Variants in RAPGEF5 observed in about 807,000 individuals in gnomAD.
RAPGEF5 encodes M-Ras-regulated GEF.
RAPGEF5 carries 65 observed loss-of-function variants against 125.2 expected under a neutral mutation model. That is an observed-to-expected ratio of 0.52 (90% CI 0.43 to 0.64). The LOEUF is 0.64. Ranked by LOEUF, RAPGEF5 falls within the 30% of genes least tolerant of loss-of-function variation. The probability of loss-of-function intolerance (pLI) is 0.00; values close to 1 mark genes in which losing one functional copy is unlikely to be tolerated. For missense variants in RAPGEF5, 958 were observed against 1,048.1 expected (o/e 0.91, Z 1.19); for synonymous variants, 391 against 385.9 (o/e 1.01, Z -0.16).
intron 5 of RAPGEF5, among the ~76,000 whole-genome samples, chr7:22,303,450 T>C (rs1291025435): frequency 6.6e-6 from 1 of 152,244 alleles, no homozygotes; most frequent in Non-Finnish European, 1.5e-5. Flanking sequence ...AAAGATTCTT[T>C]TTTAAATGAG....
intron 7 of RAPGEF5, among the ~76,000 whole-genome samples, chr7:22,265,825 C>T (rs2158877): frequency 0.2 from 30,547 of 152,018 alleles, 3,324 homozygotes; most frequent in African/African-American, 0.27. Context: ...TTCCCTCCTG[C>T]AATCTTTATT....
chr7:22,148,335 C>T (rs567483498), intron 18 of RAPGEF5, among the ~76,000 whole-genome samples: 11 of 152,298 alleles, frequency 7.2e-5, no homozygotes, highest in African/African-American at 2.6e-4. Flanking sequence ...TTACCCAACT[C>T]GAGTTATTAA....
intron 6 of RAPGEF5, among the ~76,000 whole-genome samples, chr7:22,277,070 G>C (rs1782574148): frequency 6.6e-6 from 1 of 152,166 alleles, no homozygotes; most frequent in Admixed American, 6.5e-5. Flanking sequence ...TAGAATAAAA[G>C]AGGCTGAAGC....
At chr7:22,135,240 G>C (rs1004321758) in intron 23 of RAPGEF5, among the ~76,000 whole-genome samples, 20 of 152,138 alleles carry the variant, frequency 1.3e-4, no homozygotes, top group African/African-American at 4.6e-4. Context: ...GAAGAAAAGA[G>C]GCTGGATGAA....
At chr7:22,235,023 A>G (rs1004888023) in intron 7 of RAPGEF5, among the ~76,000 whole-genome samples, 3 of 152,206 alleles carry the variant, frequency 2.0e-5, no homozygotes, top group Non-Finnish European at 4.4e-5. Flanking sequence ...TCTCATCAGG[A>G]CCATTATTTA....
chr7:22,315,549 A>C (rs1583573177), intron 2 of RAPGEF5, 73 bp from the exon 3 acceptor site: 1 of 41,458 alleles, frequency 2.4e-5, no homozygotes, highest in African/African-American at 4.7e-4. Context: ...ATAGCATACT[A>C]TATATATATA....
intron 7 of RAPGEF5, among the ~76,000 whole-genome samples, chr7:22,241,730 T>G (rs2128136326): frequency 6.6e-6 from 1 of 152,318 alleles, no homozygotes; most frequent in Non-Finnish European, 1.5e-5. Flanking sequence ...TTTGCATTGT[T>G]ATCTGTGGAT....
intron 1 of RAPGEF5, among the ~76,000 whole-genome samples, chr7:22,318,636 C>G (rs192044815): frequency 1.3e-5 from 2 of 152,322 alleles, no homozygotes; most frequent in East Asian, 3.9e-4. Flanking sequence ...GCAAGACCTA[C>G]TTGTCAGAAG....
chr7:22,142,073 G>T (rs977740375), intron 20 of RAPGEF5, among the ~76,000 whole-genome samples: 1 of 152,126 alleles, frequency 6.6e-6, no homozygotes, highest in Non-Finnish European at 1.5e-5. Flanking sequence ...TTGATGTTTT[G>T]AAATACCAGC....
Position 22,342,159 on chromosome 7 carries a change from A to C in RAPGEF5, c.231+14671T>G, listed in dbSNP as rs146895837. ...ACTTCTGTGCACTCACAGACTCAACACAACGTGGAAGTTGCCAAAGCTTGG... is the reference window on the plus strand; with the variant it reads ...ACTTCTGTGCACTCACAGACTCAACCCAACGTGGAAGTTGCCAAAGCTTGG... On this transcript the variant is annotated intron_variant, in intron 1 of 25. Coordinates refer to ENST00000665637, the MANE Select transcript of RAPGEF5 (RefSeq NM_012294.5). 4.0e-3 allele frequency among the ~76,000 whole-genome samples: 613 copies of C among 152,362 alleles called. 3 individuals carry two copies. The highest frequency in any genetic ancestry group is 6.4e-3 in the Non-Finnish European group (433 of 68,038).
At chr7:22,338,326 C>A (rs1004374362) in intron 1 of RAPGEF5, among the ~76,000 whole-genome samples, 2 of 152,234 alleles carry the variant, frequency 1.3e-5, no homozygotes, top group African/African-American at 2.4e-5. Context: ...CACCTCCACA[C>A]TGAAGTTTTG....
intron 1 of RAPGEF5, among the ~76,000 whole-genome samples, chr7:22,331,209 T>C (rs1783909939): frequency 6.6e-6 from 1 of 152,204 alleles, no homozygotes; most frequent in African/African-American, 2.4e-5. Context: ...CACACAGATC[T>C]TTCACTGAGG....
At chr7:22,260,292 A>T (rs554807275) in intron 7 of RAPGEF5, among the ~76,000 whole-genome samples, 1 of 152,294 alleles carries the variant, frequency 6.6e-6, no homozygotes, top group South Asian at 2.1e-4. Context: ...TGATAACCAC[A>T]TGTCAATGGA....
chr7:22,224,959 C>A (rs967033246), intron 8 of RAPGEF5, among the ~76,000 whole-genome samples: 2 of 151,524 alleles, frequency 1.3e-5, no homozygotes, highest in African/African-American at 2.4e-5. Flanking sequence ...TTTCAAGGAA[C>A]TCTAAGCATT....
intron 9 of RAPGEF5, among the ~76,000 whole-genome samples, chr7:22,200,055 G>C (rs916742950): frequency 2.0e-5 from 3 of 152,128 alleles, no homozygotes; most frequent in African/African-American, 7.2e-5. Flanking sequence ...CTCCTAAATA[G>C]GAAGAGGGCA....
intron 7 of RAPGEF5, among the ~76,000 whole-genome samples, chr7:22,258,532 G>A (rs920185126): frequency 6.7e-6 from 1 of 149,334 alleles, no homozygotes; most frequent in African/African-American, 2.5e-5. Context: ...GCTGAGGCAG[G>A]AGAATCACTT....
intron 11 of RAPGEF5, among the ~76,000 whole-genome samples, chr7:22,181,612 G>C (rs2128121687): frequency 6.6e-6 from 1 of 152,296 alleles, no homozygotes; most frequent in East Asian, 1.9e-4. Flanking sequence ...ATTATGACAA[G>C]ATGTTCTGGG....
At chr7:22,271,632 T>C (rs1184726444) in intron 6 of RAPGEF5, among the ~76,000 whole-genome samples, 1 of 152,246 alleles carries the variant, frequency 6.6e-6, no homozygotes, top group African/African-American at 2.4e-5. Flanking sequence ...CTGACAGTTA[T>C]ATTTGGCCTT....
At chr7:22,327,442 T>G (rs949431102) in intron 1 of RAPGEF5, among the ~76,000 whole-genome samples, 1 of 152,242 alleles carries the variant, frequency 6.6e-6, no homozygotes, top group Non-Finnish European at 1.5e-5. Flanking sequence ...GCATTCTGTG[T>G]AGCTAATTAT....
Sources: gnomAD v4.1 joint callset for allele counts (sites outside exome capture counted in the v4.1 genomes callset) on GRCh38, gnomAD v4.1.1 for gene constraint, MANE v1.5 for transcripts, NCBI Gene and HGNC (gene_info 2026-07-23, HGNC 2026-07-21) for gene names.